IL34: variants seen among roughly 807,000 people sequenced by gnomAD.
IL34 encodes the protein interleukin 34, also known as interleukin-34.
A neutral mutation model predicts 25.3 loss-of-function variants in IL34; 17 were observed. The ratio of observed to expected loss-of-function variants is 0.67; its 90% confidence interval spans 0.46 to 1.01. The LOEUF is 1.01. IL34 is among the 50% of genes least tolerant of loss of function. The pLI is 0.00. For synonymous variants in IL34, 174 were observed against 140.9 expected (o/e 1.23, Z -1.66); for missense variants, 368 against 312.9 (o/e 1.18, Z -1.33).
upstream of IL34, among the ~76,000 whole-genome samples, chr16:70,645,833 A>G (rs781419496): frequency 6.6e-5 from 10 of 152,104 alleles, no homozygotes; most frequent in Non-Finnish European, 1.0e-4. Flanking sequence ...ACAGCAGATC[A>G]CTTGAGTCCA....
At position 70,626,558 on chromosome 16, in the gene IL34, G is replaced by A. The variant is rs187044077; in HGVS notation, c.-400-19990G>A. Among the ~76,000 whole-genome samples, 304 of 152,062 alleles carry A rather than the reference G, an allele frequency of 2.0e-3. 1 individual carries two copies. Among genetic ancestry groups the A allele is most frequent in the Admixed American group, 8.1e-3 (123 of 15,278 alleles). On this transcript the variant is annotated intron_variant, in intron 1 of 6. Coordinates refer to the IL34 transcript ENST00000429149. ...ATTACAGGCATGCGCCACCACGCCC[G>A]GCTAATTTTGTATTTTTAGTGGAGA...
chr16:70,615,658 G>A (rs2051162395), intron 1 of IL34, among the ~76,000 whole-genome samples: 1 of 151,980 alleles, frequency 6.6e-6, no homozygotes, highest in Non-Finnish European at 1.5e-5. Flanking sequence ...ATAGATATAG[G>A]TAGATGAAAG....
At chr16:70,628,021 C>T (rs1247872686) in intron 1 of IL34, among the ~76,000 whole-genome samples, 1 of 152,160 alleles carries the variant, frequency 6.6e-6, no homozygotes. Context: ...CCAAACTGTT[C>T]TCCAAGTAGA....
intron 4 of IL34, chr16:70,657,403 A>G: frequency 2.5e-6 from 1 of 393,332 alleles, no homozygotes; most frequent in Non-Finnish European, 4.6e-6. Context: ...TGGGCAAGTC[A>G]TCGTACCCTC....
chr16:70,625,188 AG>A (rs2051364689), intron 1 of IL34, among the ~76,000 whole-genome samples: 1 of 151,986 alleles, frequency 6.6e-6, no homozygotes, highest in African/African-American at 2.4e-5. Context: ...AGAGGTTTTA[AG>A]TTCGTGAGAA....
chr16:70,625,861 A>G (rs537648996), intron 1 of IL34, among the ~76,000 whole-genome samples: 7 of 152,334 alleles, frequency 4.6e-5, no homozygotes, highest in African/African-American at 1.4e-4. Flanking sequence ...AAAAGTGGCC[A>G]CTTACCGGAT....
At chr16:70,643,299 G>A (rs1190812945), upstream of IL34, among the ~76,000 whole-genome samples, 2 of 152,114 alleles carry the variant, frequency 1.3e-5, no homozygotes, top group East Asian at 3.9e-4. Flanking sequence ...CCTGACCTCA[G>A]GTGATCCACC....
intron 1 of IL34, among the ~76,000 whole-genome samples, chr16:70,598,483 A>G (rs781554105): frequency 6.6e-6 from 1 of 152,226 alleles, no homozygotes; most frequent in African/African-American, 2.4e-5. Flanking sequence ...TCACACCTGT[A>G]ATCCCAGCAC....
chr16:70,581,521 C>T (rs16970338), intron 1 of IL34, among the ~76,000 whole-genome samples: 1 of 151,894 alleles, frequency 6.6e-6, no homozygotes, highest in African/African-American at 2.4e-5. Flanking sequence ...GCTCAGCTCA[C>T]GGTATGTGTG....
At chr16:70,597,077 C>T (rs1302178092) in intron 1 of IL34, among the ~76,000 whole-genome samples, 15 of 152,132 alleles carry the variant, frequency 9.9e-5, no homozygotes, top group Non-Finnish European at 1.9e-4. Context: ...CTTAACCCTC[C>T]TAGTGAACTG....
At chr16:70,616,217 C>T (rs191822988) in intron 1 of IL34, among the ~76,000 whole-genome samples, 73 of 152,306 alleles carry the variant, frequency 4.8e-4, no homozygotes, top group African/African-American at 1.6e-3. Context: ...TTCCCAGAAA[C>T]GGCATTGCTA....
At chr16:70,658,770 G>A (rs975654961) in intron 4 of IL34, among the ~76,000 whole-genome samples, 7 of 152,228 alleles carry the variant, frequency 4.6e-5, no homozygotes, top group East Asian at 3.9e-4. Flanking sequence ...ATTCCTGGCC[G>A]TCTCAGTCTT....
intron 1 of IL34, among the ~76,000 whole-genome samples, chr16:70,621,301 T>A (rs1313896146): frequency 6.6e-6 from 1 of 152,144 alleles, no homozygotes; most frequent in Non-Finnish European, 1.5e-5. Flanking sequence ...AGTCCGTGAC[T>A]GGCACCGGAG....
intron 1 of IL34, among the ~76,000 whole-genome samples, chr16:70,650,556 G>T (rs2052053683): frequency 2.0e-5 from 3 of 152,194 alleles, no homozygotes; most frequent in Non-Finnish European, 4.4e-5. Flanking sequence ...AATGGTGATG[G>T]CCACACAGGA....
At chr16:70,617,527 G>C (rs1402675088) in intron 1 of IL34, among the ~76,000 whole-genome samples, 1 of 152,194 alleles carries the variant, frequency 6.6e-6, no homozygotes, top group African/African-American at 2.4e-5. Flanking sequence ...TCTGGAATGA[G>C]ACTGGGGCCT....
chr16:70,656,122 C>T (rs1265425253), intron 2 of IL34, among the ~76,000 whole-genome samples: 3 of 152,216 alleles, frequency 2.0e-5, no homozygotes, highest in Non-Finnish European at 2.9e-5. Context: ...GTTTCACCCA[C>T]CCTGAGTCCC....
At chr16:70,580,780 C>CA (rs200027520) in intron 1 of IL34, among the ~76,000 whole-genome samples, 2,025 of 80,816 alleles carry the variant, frequency 0.025, 25 homozygotes, top group African/African-American at 0.047. Flanking sequence ...GACTATGTCT[C>CA]AAAAAAAAAA....
At chr16:70,616,900 G>A (rs981626249) in intron 1 of IL34, among the ~76,000 whole-genome samples, 4 of 152,124 alleles carry the variant, frequency 2.6e-5, no homozygotes, top group African/African-American at 7.2e-5. Flanking sequence ...CTTGGCTTGG[G>A]CTCAGAGGCC....
rs78909989 is a variant in IL34 at position 70,656,955 on chromosome 16, C to T, written c.241-5C>T. 1.8e-3 allele frequency: 2,957 copies of T among 1,602,004 alleles called. 43 individuals are homozygous for T. In the African/African-American group the frequency reaches 0.035, roughly 19 times the overall value. On this transcript the variant is annotated splice_region_variant and splice_polypyrimidine_tract_variant and intron_variant, in intron 3 of 5. Transcript: ENST00000288098. Reference sequence around the variant, plus strand: ...CGAGTTGCAGTGACTTCCCTGTTTCCGCAGCAGAGGGCCCAGGTGAGCGAG... The same window carrying T: ...CGAGTTGCAGTGACTTCCCTGTTTCTGCAGCAGAGGGCCCAGGTGAGCGAG...
Sources: allele counts gnomAD v4.1 joint callset (sites outside exome capture counted in the v4.1 genomes callset), GRCh38; gene constraint gnomAD v4.1.1; transcripts MANE v1.5; gene names NCBI Gene and HGNC (gene_info 2026-07-23, HGNC 2026-07-21).